The following LIMK1 variants were observed in gnomAD, a reference collection of about 807,000 sequenced individuals.
The protein encoded by LIMK1 is LIM domain kinase 1, also known as LIM motif-containing protein kinase.
In LIMK1, 21 loss-of-function variants were observed where a neutral mutation model predicts 77.6. The observed-to-expected ratio is 0.27, with a 90% CI of 0.19 to 0.39. The LOEUF is 0.39. LIMK1 is among the 10% of genes least tolerant of loss of function. LIMK1 has a pLI of 1.00. For synonymous variants in LIMK1, 358 were observed against 370.0 expected (o/e 0.97, Z 0.37); for missense variants, 696 against 901.6 (o/e 0.77, Z 2.92).
rs151051382 is a variant in LIMK1, at chr7:74,088,333, G to C, written c.152+2489G>C. On this transcript the variant is annotated intron_variant, in intron 2 of 15. Coordinates refer to ENST00000336180, the MANE Select transcript of LIMK1 (RefSeq NM_002314.4). ...CAGGTGCTCAGAAAGAGGCCTTCGG[G>C]GGGCAAGAGGGCTCTCAACAGGCAG... Among the ~76,000 whole-genome samples the C allele has an allele frequency of 7.3e-3, 1,114 of 152,258 alleles. 12 individuals carry two copies. Among genetic ancestry groups the C allele is most frequent in the African/African-American group, 0.025 (1,046 of 41,552 alleles).
chr7:74,109,943 G>A (rs937419072), intron 10 of LIMK1: 2 of 152,262 alleles, frequency 1.3e-5, no homozygotes, highest in South Asian at 4.1e-4. Flanking sequence ...ACCACCCTGA[G>A]ACCATGGGAT....
intron 2 of LIMK1, among the ~76,000 whole-genome samples, chr7:74,094,867 A>C (rs1584110499): frequency 6.7e-6 from 1 of 148,522 alleles, no homozygotes; most frequent in African/African-American, 2.5e-5. Flanking sequence ...CGCATTCCCC[A>C]CCCCCATGGA....
At chr7:74,109,101 A>G in intron 10 of LIMK1, 65 bp downstream of exon 10, 1 of 1,289,184 alleles carries the variant, frequency 7.8e-7, no homozygotes, top group Non-Finnish European at 1.1e-6. Context: ...TCCCTCTGTG[A>G]GCCTCAGTCT....
rs556281149 is a variant in LIMK1 at position 74,113,298 on chromosome 7, T to C, written c.1410+1300T>C. Among the ~76,000 whole-genome samples the C allele has an allele frequency of 4.6e-5, 7 of 152,096 alleles. No homozygotes were observed. In the South Asian group the frequency reaches 1.5e-3, roughly 32 times the overall value. On this transcript the variant is annotated intron_variant, in intron 12 of 15. Transcript: ENST00000336180. ...AAGATTGTGCTACTCTACTCCAGCC[T>C]GGGAGACAGAGCCAGACCCTGTCTC... is the stretch of plus-strand genomic sequence containing the variant.
chr7:74,112,579 C>T (rs1342281984), intron 12 of LIMK1, among the ~76,000 whole-genome samples: 1 of 152,066 alleles, frequency 6.6e-6, no homozygotes, highest in East Asian at 1.9e-4. Flanking sequence ...CTTTGGGAGG[C>T]CGAGGTGGGT....
chr7:74,100,745 T>A (rs1282187880), intron 5 of LIMK1, among the ~76,000 whole-genome samples: 1 of 146,008 alleles, frequency 6.8e-6, no homozygotes, highest in African/African-American at 2.6e-5. Context: ...CTCTCTTTTT[T>A]TTTTTTTCGA....
At chr7:74,116,524 TGA>T (rs1799815561) in intron 13 of LIMK1, among the ~76,000 whole-genome samples, 2 of 152,052 alleles carry the variant, frequency 1.3e-5, no homozygotes, top group African/African-American at 4.8e-5. Context: ...GCCGGTAGGG[TGA>T]GCTCCTTCTG....
chr7:74,104,064 A>G (rs1799519654), intron 5 of LIMK1, among the ~76,000 whole-genome samples: 1 of 151,972 alleles, frequency 6.6e-6, no homozygotes, highest in Admixed American at 6.6e-5. Flanking sequence ...AATAGCTGGG[A>G]TTACAGGAGT....
At position 74,086,589 on chromosome 7, in the gene LIMK1, T is replaced by C. The variant is rs572208793; in HGVS notation, c.152+745T>C. Among the ~76,000 whole-genome samples the C allele has an allele frequency of 8.6e-4, 131 of 152,270 alleles. 1 individual carries two copies. Among genetic ancestry groups the C allele is most frequent in the Admixed American group, 2.7e-3 (42 of 15,282 alleles). On this transcript the variant is annotated intron_variant, in intron 2 of 15. Transcript: ENST00000336180. The stretch of plus-strand genomic sequence containing the variant: ...GAGACCCAGGCTGGTCTTGAACTTG[T>C]GACCTCAAGCAATCCTCCTGCCTTG...
chr7:74,102,684 T>C (rs980120102), intron 5 of LIMK1, among the ~76,000 whole-genome samples: 7 of 151,604 alleles, frequency 4.6e-5, no homozygotes, highest in African/African-American at 1.7e-4. Flanking sequence ...TTGTATCTTA[T>C]AGTTCAGTGA....
rs1554698725 is a variant in LIMK1, at chr7:74,111,990, G to C, written c.1402G>C (p.Val468Leu). The C allele has an allele frequency of 6.2e-7, 1 of 1,609,050 alleles. No individual in the cohort carries two copies. Among genetic ancestry groups the C allele is most frequent in the East Asian group, 2.2e-5 (1 of 44,798 alleles). Reference protein sequence around the residue: ...HRDLNSHNCLVRENKNVVVAD... With the variant: ...HRDLNSHNCLLRENKNVVVAD... Reference sequence around the variant, plus strand: ...AGACCTCAACTCCCACAACTGCCTGGTCCGCGAGGTGAGTACCAGGGCCCC... The same window carrying C: ...AGACCTCAACTCCCACAACTGCCTGCTCCGCGAGGTGAGTACCAGGGCCCC... The change falls in exon 12 of 16, where the codon GTC becomes CTC. Residue 468 changes from valine to leucine, a missense_variant. Around this residue, in one of 3 missense-constraint regions of LIMK1, gnomAD observed 438 missense variants for 602.3 expected, o/e 0.73. Transcript: ENST00000336180.
intron 13 of LIMK1, among the ~76,000 whole-genome samples, chr7:74,120,328 C>T (rs992520655): frequency 6.6e-6 from 1 of 152,236 alleles, no homozygotes; most frequent in African/African-American, 2.4e-5. Flanking sequence ...TGCAAAGTCA[C>T]GCAGCTGATC....
At chr7:74,093,856 A>G (rs1409188963) in intron 2 of LIMK1, 1 of 152,652 alleles carries the variant, frequency 6.6e-6, no homozygotes, top group East Asian at 1.9e-4. Context: ...TGGGGCACTC[A>G]AGAGAGCCAG....
chr7:74,084,940 C>G (rs1799106841), intron 1 of LIMK1, among the ~76,000 whole-genome samples: 1 of 152,224 alleles, frequency 6.6e-6, no homozygotes, highest in Non-Finnish European at 1.5e-5. Flanking sequence ...CCTGTAGCCC[C>G]TGCCTACCTA....
intron 9 of LIMK1, among the ~76,000 whole-genome samples, chr7:74,108,509 A>G (rs1188351391): frequency 6.6e-6 from 1 of 151,502 alleles, no homozygotes; most frequent in Non-Finnish European, 1.5e-5. Context: ...GCCCAGCATG[A>G]TGGTGGTGAG....
At chr7:74,098,983 T>A in intron 4 of LIMK1, 49 bp from the exon 5 acceptor site, 1 of 1,489,910 alleles carries the variant, frequency 6.7e-7, no homozygotes, top group Non-Finnish European at 9.2e-7. Flanking sequence ...ATGCTGAAAT[T>A]GATGACGCCC....
intron 4 of LIMK1, among the ~76,000 whole-genome samples, chr7:74,097,821 G>A (rs1554695913): frequency 6.6e-6 from 1 of 152,216 alleles, no homozygotes; most frequent in Non-Finnish European, 1.5e-5. Flanking sequence ...CCAGCCACAA[G>A]TTCAGGGGTC....
chr7:74,094,594 C>A (rs186008280), intron 2 of LIMK1, among the ~76,000 whole-genome samples: 1 of 152,204 alleles, frequency 6.6e-6, no homozygotes, highest in Non-Finnish European at 1.5e-5. Context: ...CTGCACCAGG[C>A]GTGGGGGCTT....
chr7:74,114,121 G>A (rs560774509), intron 12 of LIMK1, among the ~76,000 whole-genome samples: 2 of 151,930 alleles, frequency 1.3e-5, no homozygotes, highest in South Asian at 2.1e-4. Flanking sequence ...GTGGTGGTGG[G>A]TGCCTGTAGT....
Sources: allele counts gnomAD v4.1 joint callset (sites outside exome capture counted in the v4.1 genomes callset), GRCh38; gene constraint gnomAD v4.1.1; regional missense constraint gnomAD v4.1.1; transcripts MANE v1.5; gene names NCBI Gene and HGNC (gene_info 2026-07-23, HGNC 2026-07-21).